NRF1: variants seen among roughly 807,000 people sequenced by gnomAD.
The protein encoded by NRF1 is nuclear respiratory factor 1.
A neutral mutation model predicts 58.5 loss-of-function variants in NRF1; 5 were observed. That is an observed-to-expected ratio of 0.09 (90% confidence interval 0.04 to 0.18). The LOEUF (loss-of-function observed/expected upper bound fraction) is 0.18, where lower values mean the gene tolerates loss of function less well. Ranked by LOEUF, NRF1 falls within the 10% of genes least tolerant of loss-of-function variation. NRF1 has a pLI of 1.00. For missense variants in NRF1, 288 were observed against 657.7 expected (o/e 0.44, Z 6.15); for synonymous variants, 224 against 246.7 (o/e 0.91, Z 0.86).
At chr7:129,616,167 A>T (rs1013528718) in intron 1 of NRF1, among the ~76,000 whole-genome samples, 5 of 152,244 alleles carry the variant, frequency 3.3e-5, no homozygotes, top group Admixed American at 1.3e-4. Flanking sequence ...AAAAGGCTTC[A>T]TCATGTTGTG....
At chr7:129,657,611 T>TA in intron 2 of NRF1, 37 bp downstream of exon 2, 1 of 1,359,608 alleles carries the variant, frequency 7.4e-7, no homozygotes, top group Non-Finnish European at 1.0e-6. Flanking sequence ...TCTTTAATTT[T>TA]TTTTTTTTTT....
intron 1 of NRF1, among the ~76,000 whole-genome samples, chr7:129,630,786 T>G (rs1168386666): frequency 6.6e-6 from 1 of 152,192 alleles, no homozygotes; most frequent in African/African-American, 2.4e-5. Context: ...AGTGTAAAAT[T>G]GGGTGAGGGC....
intron 1 of NRF1, among the ~76,000 whole-genome samples, chr7:129,648,768 C>T (rs920813074): frequency 6.6e-6 from 1 of 152,166 alleles, no homozygotes; most frequent in African/African-American, 2.4e-5. Flanking sequence ...TGTCCCTCTC[C>T]CGCCTCCAAA....
At chr7:129,615,979 A>G (rs993985471) in intron 1 of NRF1, among the ~76,000 whole-genome samples, 11 of 152,214 alleles carry the variant, frequency 7.2e-5, no homozygotes, top group Non-Finnish European at 1.5e-4. Flanking sequence ...CAATATGGAC[A>G]AAACTTGGGA....
intron 1 of NRF1, among the ~76,000 whole-genome samples, chr7:129,620,973 T>C (rs1202618420): frequency 6.6e-6 from 1 of 152,230 alleles, no homozygotes; most frequent in African/African-American, 2.4e-5. Flanking sequence ...GATTATGGAA[T>C]ACTTTGAGAT....
chr7:129,690,533 A>T lies in NRF1; in HGVS notation c.593A>T (p.Asp198Val). 6.2e-7 allele frequency: 1 copy of T among 1,614,180 alleles called. No homozygotes were observed. The highest frequency in any genetic ancestry group is 8.5e-7 in the Non-Finnish European group (1 of 1,180,030). ...ATCGACGGAATTCCAGTCTCTGTGG[A>T]CAAAATGACCCAGGTGAGGGGTGGG... ...LTIDGIPVSV[D>V]KMTQAQLRAF... is the part of the protein sequence containing the mutation. Residue 198 changes from aspartate (D) to valine (V), a missense_variant, in exon 5 of 11, where the codon GAC becomes GTC. Asp to Val is a radical substitution (Grantham distance 152). Around this residue, in one of 3 missense-constraint regions of NRF1, gnomAD observed 212 missense variants for 559.7 expected, o/e 0.38. Coordinates refer to ENST00000393232, the MANE Select transcript of NRF1 (RefSeq NM_005011.5).
chr7:129,694,284 TC>T (rs1214929781), intron 5 of NRF1, among the ~76,000 whole-genome samples: 1 of 152,164 alleles, frequency 6.6e-6, no homozygotes, highest in African/African-American at 2.4e-5. Context: ...CCTGGCATTT[TC>T]CCCCCTCAAC....
At chr7:129,715,374 C>T (rs1340522445) in intron 8 of NRF1, among the ~76,000 whole-genome samples, 2 of 152,172 alleles carry the variant, frequency 1.3e-5, no homozygotes, top group African/African-American at 2.4e-5. Context: ...GTAGGCCTAG[C>T]AAACCTGGAT....
intron 10 of NRF1, among the ~76,000 whole-genome samples, chr7:129,753,816 A>AAAAT (rs1163115224): frequency 6.6e-6 from 1 of 152,152 alleles, no homozygotes; most frequent in Non-Finnish European, 1.5e-5. Flanking sequence ...CTAGGCTTTA[A>AAAAT]AAATAAATAA....
chr7:129,674,906 A>G (rs1000393775), intron 3 of NRF1, among the ~76,000 whole-genome samples: 3 of 151,994 alleles, frequency 2.0e-5, no homozygotes, highest in Non-Finnish European at 4.4e-5. Flanking sequence ...TAATACAACA[A>G]ATTTTGCCCT....
At chr7:129,680,553 C>T (rs921024648) in intron 4 of NRF1, among the ~76,000 whole-genome samples, 2 of 152,056 alleles carry the variant, frequency 1.3e-5, no homozygotes, top group South Asian at 2.1e-4. Context: ...AAATGTTCAT[C>T]GGCTGATGAA....
intron 1 of NRF1, among the ~76,000 whole-genome samples, chr7:129,624,879 T>G (rs1800879734): frequency 6.6e-6 from 1 of 152,118 alleles, no homozygotes; most frequent in African/African-American, 2.4e-5. Context: ...TCGTCCCTAT[T>G]TTAGTTTACA....
At chr7:129,649,513 C>A (rs555900902) in intron 1 of NRF1, among the ~76,000 whole-genome samples, 12 of 152,148 alleles carry the variant, frequency 7.9e-5, no homozygotes, top group Admixed American at 4.6e-4. Context: ...TAATCTCATC[C>A]ATTATGTGTG....
intron 4 of NRF1, among the ~76,000 whole-genome samples, chr7:129,687,430 C>T (rs1802466863): frequency 6.6e-6 from 1 of 152,124 alleles, no homozygotes; most frequent in Non-Finnish European, 1.5e-5. Flanking sequence ...CGCCCACCAC[C>T]ACGCCCAGCT....
chr7:129,665,150 A>C (rs889519522), intron 2 of NRF1, among the ~76,000 whole-genome samples: 1 of 152,252 alleles, frequency 6.6e-6, no homozygotes, highest in Admixed American at 6.5e-5. Flanking sequence ...ACTGAGAAAC[A>C]CTGAAAGCAA....
intron 3 of NRF1, among the ~76,000 whole-genome samples, chr7:129,673,015 A>G (rs1366883515): frequency 6.6e-6 from 1 of 152,218 alleles, no homozygotes; most frequent in Non-Finnish European, 1.5e-5. Context: ...TCTAAGAAGC[A>G]ACCAGTGAGT....
intron 5 of NRF1, among the ~76,000 whole-genome samples, chr7:129,703,435 A>G (rs1186752271): frequency 2.0e-5 from 3 of 152,224 alleles, no homozygotes; most frequent in Non-Finnish European, 4.4e-5. Context: ...AATTAATTCA[A>G]CTGGTAATGA....
chr7:129,752,614 AGCCGAG>A (rs1804145737), intron 10 of NRF1, among the ~76,000 whole-genome samples: 1 of 152,120 alleles, frequency 6.6e-6, no homozygotes, highest in Admixed American at 6.5e-5. Flanking sequence ...CACTTTGGAA[AGCCGAG>A]GCAGGAGGAT....
At chr7:129,735,793 G>A (rs1173324196) in intron 10 of NRF1, among the ~76,000 whole-genome samples, 2 of 152,078 alleles carry the variant, frequency 1.3e-5, no homozygotes, top group Non-Finnish European at 2.9e-5. Context: ...TGGATCACGA[G>A]GTCAGGAGAT....
Sources: gnomAD v4.1 joint callset for allele counts (sites outside exome capture counted in the v4.1 genomes callset) on GRCh38, gnomAD v4.1.1 for gene constraint, gnomAD v4.1.1 regional missense constraint, MANE v1.5 for transcripts, NCBI Gene and HGNC (gene_info 2026-07-23, HGNC 2026-07-21) for gene names.